CDA: variants seen among roughly 807,000 people sequenced by gnomAD.
The protein encoded by CDA is cytidine deaminase.
CDA carries 7 observed loss-of-function variants against 15.0 expected under a neutral mutation model. The ratio of observed to expected loss-of-function variants is 0.47; its 90% CI spans 0.26 to 0.87. CDA has a LOEUF of 0.87. CDA is among the 40% of genes least tolerant of loss of function. The pLI is 0.15. For synonymous variants in CDA, 58 were observed against 73.0 expected (o/e 0.79, Z 1.05); for missense variants, 159 against 182.7 (o/e 0.87, Z 0.75).
intron 1 of CDA, among the ~76,000 whole-genome samples, chr1:20,591,689 A>G (rs1402083013): frequency 2.0e-5 from 3 of 152,144 alleles, no homozygotes; most frequent in Non-Finnish European, 4.4e-5. Flanking sequence ...CACCAGAGAA[A>G]GGGTTGTGTG....
chr1:20,603,325 A>G (rs2052663931), intron 1 of CDA, among the ~76,000 whole-genome samples: 1 of 152,180 alleles, frequency 6.6e-6, no homozygotes, highest in Non-Finnish European at 1.5e-5. Flanking sequence ...AACAATTCAG[A>G]GTAGGCCCCA....
At chr1:20,597,436 G>A (rs1385604778) in intron 1 of CDA, among the ~76,000 whole-genome samples, 8 of 152,266 alleles carry the variant, frequency 5.3e-5, no homozygotes, top group East Asian at 1.9e-4. Flanking sequence ...GCGAGACTCC[G>A]TCTCAAAAAG....
intron 3 of CDA, among the ~76,000 whole-genome samples, chr1:20,617,880 G>A (rs1224075434): frequency 6.6e-6 from 1 of 151,886 alleles, no homozygotes; most frequent in Non-Finnish European, 1.5e-5. Flanking sequence ...ATTTTTAGGA[G>A]AGATGAAGTT....
intron 2 of CDA, among the ~76,000 whole-genome samples, chr1:20,606,525 G>A (rs1397901219): frequency 1.3e-5 from 2 of 152,008 alleles, no homozygotes; most frequent in Non-Finnish European, 2.9e-5. Context: ...ATCATGCTGT[G>A]CCAGGAGATG....
intron 1 of CDA, among the ~76,000 whole-genome samples, chr1:20,600,167 C>T (rs1213335111): frequency 1.3e-5 from 2 of 152,214 alleles, no homozygotes; most frequent in Non-Finnish European, 2.9e-5. Context: ...ACTTCCAGAG[C>T]AGACACATGT....
intron 1 of CDA, among the ~76,000 whole-genome samples, chr1:20,589,487 T>A (rs1022023860): frequency 3.9e-5 from 6 of 152,070 alleles, no homozygotes; most frequent in Non-Finnish European, 7.4e-5. Context: ...GGTCTTTCAA[T>A]GCTTAGAGGA....
chr1:20,613,508 T>TAACAAGCCCAG, intron 2 of CDA, among the ~76,000 whole-genome samples: 1 of 152,316 alleles, frequency 6.6e-6, no homozygotes, highest in Middle Eastern at 3.4e-3. Flanking sequence ...CCCAGCTGCA[T>TAACAAGCCCAG]TTTGTTTAAC....
At chr1:20,613,954 T>G in intron 3 of CDA, 55 bp downstream of exon 3, 4 of 1,537,722 alleles carry the variant, frequency 2.6e-6, no homozygotes, top group Non-Finnish European at 2.7e-6. Context: ...TCGCAGGCTA[T>G]GGGAGCCACG....
intron 1 of CDA, among the ~76,000 whole-genome samples, chr1:20,595,046 C>A (rs1156982224): frequency 6.6e-6 from 1 of 152,024 alleles, no homozygotes; most frequent in African/African-American, 2.4e-5. Context: ...CAGGATGGTG[C>A]CCAGACACAA....
intron 2 of CDA, among the ~76,000 whole-genome samples, chr1:20,611,352 A>C (rs963817766): frequency 6.6e-6 from 1 of 152,174 alleles, no homozygotes; most frequent in Non-Finnish European, 1.5e-5. Context: ...GCAGGCTTGG[A>C]ATTTTCCATC....
Position 20,618,680 on chromosome 1 carries a change from A to C in CDA, c.*112A>C. On this transcript the variant is annotated 3_prime_UTR_variant, in exon 4 of 4. Coordinates refer to ENST00000375071, the MANE Select transcript of CDA (RefSeq NM_001785.3). ...GCCCCAGCCCTACAGGGACTGGGCA[A>C]AGATGATGTTTCCAGATTACACTCC... The C allele has an allele frequency of 2.6e-6, 2 of 763,292 alleles. No individual in the cohort carries two copies. The highest frequency in any genetic ancestry group is 1.4e-5 in the South Asian group (1 of 72,362). 47.3% of individuals were successfully genotyped at this position (763,292 alleles called of 1,614,324 possible).
intron 2 of CDA, among the ~76,000 whole-genome samples, chr1:20,613,279 C>A (rs1477887004): frequency 1.3e-5 from 2 of 151,870 alleles, no homozygotes; most frequent in Non-Finnish European, 2.9e-5. Flanking sequence ...TCTTGGCTCA[C>A]TGCAACCTTT....
intron 2 of CDA, 106 bp from the exon 3 acceptor site, chr1:20,613,736 G>T (rs866639459): frequency 2.9e-6 from 3 of 1,041,404 alleles, no homozygotes; most frequent in Middle Eastern, 2.4e-4. Context: ...TGCCTGATGG[G>T]GTATGACCCA....
intron 3 of CDA, among the ~76,000 whole-genome samples, chr1:20,615,714 G>C (rs2154532897): frequency 6.6e-6 from 1 of 151,848 alleles, no homozygotes; most frequent in African/African-American, 2.4e-5. Context: ...TCGAAATACG[G>C]CATCTTGTGG....
intron 1 of CDA, among the ~76,000 whole-genome samples, chr1:20,590,094 G>A (rs1394922577): frequency 1.3e-5 from 2 of 152,234 alleles, no homozygotes; most frequent in East Asian, 3.8e-4. Context: ...GGGACATGGT[G>A]TGGAGGTACC....
intron 1 of CDA, among the ~76,000 whole-genome samples, chr1:20,598,965 C>T (rs1041015115): frequency 6.6e-6 from 1 of 152,142 alleles, no homozygotes; most frequent in Non-Finnish European, 1.5e-5. Flanking sequence ...ATAATAAAGA[C>T]ATTTATTTCA....
intron 1 of CDA, among the ~76,000 whole-genome samples, chr1:20,591,477 G>A (rs964193825): frequency 1.3e-5 from 2 of 152,214 alleles, no homozygotes; most frequent in Non-Finnish European, 2.9e-5. Context: ...GATATTTGCT[G>A]AACATCAACT....
chr1:20,604,349 C>T (rs1367729982), intron 1 of CDA, among the ~76,000 whole-genome samples: 2 of 152,196 alleles, frequency 1.3e-5, no homozygotes, highest in Non-Finnish European at 2.9e-5. Context: ...ACGGTGACTC[C>T]TTGCTATGTC....
chr1:20,615,017 A>G (rs1361723311), intron 3 of CDA, among the ~76,000 whole-genome samples: 1 of 152,044 alleles, frequency 6.6e-6, no homozygotes, highest in Non-Finnish European at 1.5e-5. Flanking sequence ...GCCAGCTACC[A>G]TGCCCGGCTA....
Sources: allele counts gnomAD v4.1 joint callset (sites outside exome capture counted in the v4.1 genomes callset), GRCh38; gene constraint gnomAD v4.1.1; transcripts MANE v1.5; gene names NCBI Gene and HGNC (gene_info 2026-07-23, HGNC 2026-07-21).